The following CACNA1G variants were observed in gnomAD, a reference collection of about 807,000 sequenced individuals.
CACNA1G encodes calcium voltage-gated channel subunit alpha1 G.
In CACNA1G, 67 loss-of-function variants were observed where a neutral mutation model predicts 219.4. The observed-to-expected ratio is 0.31, with a 90% CI of 0.25 to 0.37. The LOEUF (loss-of-function observed/expected upper bound fraction) is 0.37, where lower values mean the gene tolerates loss of function less well. CACNA1G is among the 10% of genes least tolerant of loss of function. The pLI is 1.00. For missense variants in CACNA1G, 2,380 were observed against 3,231.4 expected (o/e 0.74, Z 6.39); for synonymous variants, 1,296 against 1,345.3 (o/e 0.96, Z 0.80).
At chr17:50,601,283 G>T in intron 19 of CACNA1G, 109 bp downstream of exon 19, 1 of 1,356,118 alleles carries the variant, frequency 7.4e-7, no homozygotes, top group Non-Finnish European at 1.0e-6. Flanking sequence ...ACACAGCAGG[G>T]AACGAGGGGG....
intron 1 of CACNA1G, among the ~76,000 whole-genome samples, chr17:50,564,952 G>A (rs899549472): frequency 2.0e-5 from 3 of 151,990 alleles, no homozygotes; most frequent in African/African-American, 4.8e-5. Context: ...CTGCTCCACC[G>A]CTCTGCTGGG....
chr17:50,616,060 C>A (rs951684904), intron 27 of CACNA1G, among the ~76,000 whole-genome samples: 1 of 152,220 alleles, frequency 6.6e-6, no homozygotes. Flanking sequence ...GAGAAAGATC[C>A]TTTAGCATAA....
rs1011996354 is a variant in CACNA1G at position 50,603,262 on chromosome 17, C to A, written c.4169+63C>A. On this transcript the variant is annotated intron_variant, in intron 21 of 37. Transcript: ENST00000359106. This position sits in a 1 kb window ranked among gnomAD's most constrained non-coding sequence, Gnocchi z 6.4. ...TGGCCCCCTCCGCAGGGACATCTCC[C>A]ACCGCCAGCACTCCCTGCCACGAAA... 7.3e-6 allele frequency: 10 copies of A among 1,378,012 alleles called. No homozygotes were observed. The highest frequency in any genetic ancestry group is 9.9e-6 in the Non-Finnish European group (10 of 1,005,234). 85.4% of individuals were successfully genotyped at this position (1,378,012 alleles called of 1,614,324 possible).
chr17:50,585,300 C>A (rs2042784205), intron 9 of CACNA1G, among the ~76,000 whole-genome samples: 1 of 152,196 alleles, frequency 6.6e-6, no homozygotes, highest in African/African-American at 2.4e-5. Flanking sequence ...CACCTGCCAC[C>A]ATGCCTGGCT....
In CACNA1G at chr17:50,575,943, C is replaced by T. The variant is rs1162031318; in HGVS notation, c.1541C>T (p.Ala514Val). Residue 514 changes from alanine (A) to valine (V), a missense_variant, in exon 8 of 38, where the codon GCC (alanine) becomes GTC (valine). Physicochemically the swap from Ala to Val is moderately conservative, Grantham distance 64. Around this residue, in one of 17 missense-constraint regions of CACNA1G, gnomAD observed 434 missense variants for 417.3 expected, o/e 1.04. Transcript: ENST00000359106. ...HYHLGNGTLRAPRASPEIQDR... is the reference protein window; with the variant it reads ...HYHLGNGTLRVPRASPEIQDR... ...CACCTGGGCAATGGGACGCTCAGGG[C>T]CCCCCGGGCCAGCCCGGAGATCCAG... The T allele has an allele frequency of 2.8e-5, 43 of 1,552,076 alleles. No homozygotes were observed. The highest frequency in any genetic ancestry group is 7.3e-5 in the East Asian group (3 of 41,280).
intron 37 of CACNA1G, among the ~76,000 whole-genome samples, chr17:50,624,955 C>CTT (rs3986415): frequency 0.39 from 46,265 of 117,398 alleles, 9,505 homozygotes; most frequent in African/African-American, 0.42. Flanking sequence ...AGCCCAGATT[C>CTT]TTTTTTTTTT....
rs376552283 is a variant in CACNA1G, at chr17:50,621,891, C to T, written c.6060+97C>T. ...CCAGGGAGGGTCCTGGGGCCGCCTCCTCTCAGTTTGCTGCCAGGCTCCACC... is the reference window on the plus strand; with the variant it reads ...CCAGGGAGGGTCCTGGGGCCGCCTCTTCTCAGTTTGCTGCCAGGCTCCACC... On this transcript the variant is annotated intron_variant, in intron 35 of 37. Transcript: ENST00000359106. The surrounding 1 kb of genome is among the most constrained non-coding windows in gnomAD (Gnocchi z 4.6). 2.6e-5 allele frequency: 36 copies of T among 1,368,114 alleles called. 1 individual carries two copies. Among genetic ancestry groups the T allele is most frequent in the African/African-American group, 7.1e-5 (5 of 70,218 alleles). The allele number at this position is 1,368,114 out of a possible 1,614,324, so 84.7% of individuals were successfully genotyped here.
At chr17:50,594,896 C>G (rs568748651) in intron 13 of CACNA1G, 97 bp from the exon 14 acceptor site, 69 of 872,106 alleles carry the variant, frequency 7.9e-5, no homozygotes, top group Admixed American at 4.1e-4. Flanking sequence ...GGGTTTGCGC[C>G]CCTCCTTTTC....
At position 50,575,804 on chromosome 17, in the gene CACNA1G, C is replaced by T. The variant is rs538111609; in HGVS notation, c.1402C>T (p.Pro468Ser). 4.0e-5 allele frequency: 62 copies of T among 1,552,274 alleles called. No homozygotes were observed. The South Asian group carries it at 7.4e-4, about 18-fold the overall frequency. ...AGVRVGLLSS[P>S]APLGGQETQP... ...TGTGCGGGTTGGGCTGCTCAGCAGCCCAGCACCCCTCGGGGGCCAGGAGAC... is the reference window on the plus strand; with the variant it reads ...TGTGCGGGTTGGGCTGCTCAGCAGCTCAGCACCCCTCGGGGGCCAGGAGAC... The change falls in exon 8 of 38, where the codon CCA becomes TCA. Residue 468 changes from proline (P) to serine (S), a missense_variant. Transcript: ENST00000359106.
chr17:50,624,771 C>T (rs1047471293), intron 37 of CACNA1G, among the ~76,000 whole-genome samples: 3 of 152,220 alleles, frequency 2.0e-5, no homozygotes, highest in Non-Finnish European at 4.4e-5. Flanking sequence ...AGGGGTAGTG[C>T]TTGCCCAGGG....
At chr17:50,577,330 G>T (rs978311933) in intron 8 of CACNA1G, among the ~76,000 whole-genome samples, 6 of 151,862 alleles carry the variant, frequency 4.0e-5, no homozygotes, top group African/African-American at 1.2e-4. Flanking sequence ...TGAGCGGGGG[G>T]CTTCCACATC....
Position 50,592,183 on chromosome 17 carries a change from C to T in CACNA1G, c.2910+91C>T, listed in dbSNP as rs898911508. 61 of 1,380,376 alleles carry T rather than the reference C, an allele frequency of 4.4e-5. No individual in the cohort carries two copies. In the Middle Eastern group the frequency reaches 2.2e-3, roughly 51 times the overall value. 85.5% of individuals were successfully genotyped at this position (1,380,376 alleles called of 1,614,324 possible). A position where few individuals can be genotyped will look rare whatever the true frequency, so the allele number is the denominator to read the frequency against. On this transcript the variant is annotated intron_variant, in intron 13 of 37. Transcript: ENST00000359106. ...TTGAGCCTCCTCCCTCTGTTGCCAA[C>T]TTTGGGGGCCTGGGAAGTCCCACAG...
At position 50,626,003 on chromosome 17, in the gene CACNA1G, C is replaced by T. The variant is rs1406250613; in HGVS notation, c.6400-14C>T. ...AGGAGACTGCTGGGCTGAGCCCTCC[C>T]CCACCCCATATAGGCAGCAATAAGG... is the stretch of plus-strand genomic sequence containing the variant. On this transcript the variant is annotated splice_polypyrimidine_tract_variant and intron_variant, in intron 37 of 37. Coordinates refer to ENST00000359106, the MANE Select transcript of CACNA1G (RefSeq NM_018896.5). This position sits in a 1 kb window ranked among gnomAD's most constrained non-coding sequence, Gnocchi z 4.3. 6.3e-7 allele frequency: 1 copy of T among 1,589,784 alleles called. No individual in the cohort carries two copies. Among genetic ancestry groups the T allele is most frequent in the Non-Finnish European group, 8.6e-7 (1 of 1,164,318 alleles).
intron 34 of CACNA1G, 125 bp downstream of exon 34, chr17:50,619,951 G>A: frequency 9.9e-7 from 1 of 1,007,872 alleles, no homozygotes; most frequent in Non-Finnish European, 1.4e-6. Context: ...TGCAGCCTTG[G>A]AGCCTCAGTT....
Position 50,596,856 on chromosome 17 carries a change from C to G in CACNA1G, c.3191C>G (p.Pro1064Arg). The G allele has an allele frequency of 6.3e-7, 1 of 1,598,292 alleles. No individual in the cohort carries two copies. The highest frequency in any genetic ancestry group is 8.5e-7 in the Non-Finnish European group (1 of 1,173,132). ...ACGGGCCTGGGCGAGGCGCTGGGCC[C>G]TGCGTCGCGCCGCACCAGCAGCAGC... is the stretch of plus-strand genomic sequence containing the variant. Reference protein sequence around the residue: ...TSTGLGEALGPASRRTSSSGS... With the variant: ...TSTGLGEALGRASRRTSSSGS... Residue 1064 changes from proline to arginine, a missense_variant, in exon 16 of 38, where the codon CCT (proline) becomes CGT (arginine). Coordinates refer to ENST00000359106, the MANE Select transcript of CACNA1G (RefSeq NM_018896.5). This position sits in a 1 kb window ranked among gnomAD's most constrained non-coding sequence, Gnocchi z 4.8.
At chr17:50,624,335 C>CA in intron 36 of CACNA1G, 25 bp from the exon 37 acceptor site, 4 of 1,366,000 alleles carry the variant, frequency 2.9e-6, no homozygotes, top group Non-Finnish European at 4.1e-6. Context: ...CCCCCCACCC[C>CA]TCCCCCGCTT....
rs996157630 is a variant in CACNA1G at position 50,627,411 on chromosome 17, A to G, written c.*660A>G. 3.8e-5 allele frequency: 14 copies of G among 364,642 alleles called. No individual in the cohort carries two copies. The highest frequency in any genetic ancestry group is 1.1e-4 in the Admixed American group (3 of 26,512). 22.6% of individuals were successfully genotyped at this position (364,642 alleles called of 1,614,324 possible). On this transcript the variant is annotated 3_prime_UTR_variant, in exon 38 of 38. Transcript: ENST00000359106. Reference sequence around the variant, plus strand: ...TGAAATGGAACCTTTTTATATATACATACATACATATCTATCTATCTATCT... The same window carrying G: ...TGAAATGGAACCTTTTTATATATACGTACATACATATCTATCTATCTATCT...
Position 50,619,824 on chromosome 17 carries a change from C to G in CACNA1G, c.5923C>G (p.Gln1975Glu), listed in dbSNP as rs749773509. The G allele has an allele frequency of 5.3e-5, 85 of 1,603,210 alleles. 1 individual carries two copies. In the South Asian group the frequency reaches 9.4e-4, roughly 18 times the overall value. The change falls in exon 34 of 38, where the codon CAG (glutamine) becomes GAG (glutamate). Residue 1975 changes from glutamine to glutamate, a missense_variant and splice_region_variant. This residue lies in a region of CACNA1G where 672 missense variants were observed against 670.5 expected (regional missense o/e 1.00). Transcript: ENST00000359106. ...SAPSLGGSDP[Q>E]IPLAEMEALS... ...CCCCAGCCTGGGAGGCTCCGACCCA[C>G]AGGTTACTGTGCCCCTGTGCTGTGC...
Position 50,561,257 on chromosome 17 carries a change from C to T in CACNA1G, c.-203C>T, listed in dbSNP as rs1159991875. The T allele has an allele frequency of 8.7e-6, 5 of 576,190 alleles. No homozygotes were observed. The highest frequency in any genetic ancestry group is 2.0e-5 in the African/African-American group (1 of 49,516). The allele number at this position is 576,190 out of a possible 1,614,324, so 35.7% of individuals were successfully genotyped here. The stretch of plus-strand genomic sequence containing the variant: ...GCGGGACTCGCGCCGGGCGGGGTTT[C>T]CCTGCGCCCCGGCGCCCCGCGGGCA... On this transcript the variant is annotated 5_prime_UTR_variant, in exon 1 of 38. Transcript: ENST00000359106.
Sources: allele counts gnomAD v4.1 joint callset (sites outside exome capture counted in the v4.1 genomes callset), GRCh38; gene constraint gnomAD v4.1.1; regional missense constraint gnomAD v4.1.1; non-coding constraint Gnocchi (gnomAD v3.1); transcripts MANE v1.5; gene names NCBI Gene and HGNC (gene_info 2026-07-23, HGNC 2026-07-21).